Variants in DRAM1 observed in about 807,000 individuals in gnomAD.
DRAM1 encodes DNA damage regulated autophagy modulator 1.
Under a neutral mutation model 28.5 loss-of-function variants are expected in DRAM1, and 25 were observed. That is an observed-to-expected ratio of 0.88 (90% confidence interval 0.64 to 1.23). DRAM1 has a LOEUF of 1.23. Among genes scored for constraint, DRAM1 ranks in the 50% most tolerant of loss-of-function variants. DRAM1 has a pLI of 0.00. For missense variants in DRAM1, 249 were observed against 299.2 expected (o/e 0.83, Z 1.24); for synonymous variants, 113 against 114.2 (o/e 0.99, Z 0.07).
intron 2 of DRAM1, among the ~76,000 whole-genome samples, chr12:101,898,436 A>G (rs1234227125): frequency 6.6e-6 from 1 of 152,236 alleles, no homozygotes; most frequent in Non-Finnish European, 1.5e-5. Context: ...CTATACTTTA[A>G]TTAGTAATTT....
chr12:101,907,608 A>G (rs1480841385), intron 3 of DRAM1, among the ~76,000 whole-genome samples: 1 of 152,066 alleles, frequency 6.6e-6, no homozygotes, highest in African/African-American at 2.4e-5. Flanking sequence ...GCGTGGTGGC[A>G]CGTGCCTGTA....
chr12:101,916,438 T>G (rs1874247001), intron 5 of DRAM1, among the ~76,000 whole-genome samples: 1 of 152,210 alleles, frequency 6.6e-6, no homozygotes, highest in Non-Finnish European at 1.5e-5. Flanking sequence ...CCGGTGGGCC[T>G]AGACTTCTGG....
At chr12:101,910,513 T>C (rs1483720637) in intron 4 of DRAM1, among the ~76,000 whole-genome samples, 2 of 151,358 alleles carry the variant, frequency 1.3e-5, no homozygotes, top group Non-Finnish European at 1.5e-5. Context: ...AGTCTCACTC[T>C]GTCACCCAGG....
chr12:101,914,458 C>T (rs1874156925), intron 5 of DRAM1, among the ~76,000 whole-genome samples: 1 of 151,098 alleles, frequency 6.6e-6, no homozygotes, highest in African/African-American at 2.4e-5. Flanking sequence ...TTTTGAGTTC[C>T]TAATTTCTTT....
rs531390821 is a variant in DRAM1 at position 101,895,633 on chromosome 12, C to T, written c.132-2230C>T. On this transcript the variant is annotated intron_variant, in intron 1 of 6. Transcript: ENST00000258534. Reference sequence around the variant, plus strand: ...TCACCCAGACTGGAGTACAGTGGCACGATCTCGGCTCACTGCAACCTCCGC... The same window carrying T: ...TCACCCAGACTGGAGTACAGTGGCATGATCTCGGCTCACTGCAACCTCCGC... 4.6e-3 allele frequency among the ~76,000 whole-genome samples: 607 copies of T among 132,544 alleles called. 5 individuals are homozygous for T. Among genetic ancestry groups the T allele is most frequent in the Non-Finnish European group, 4.3e-3 (276 of 64,932 alleles). 87.0% of individuals were successfully genotyped at this position (132,544 alleles called of 152,430 possible).
intron 4 of DRAM1, 98 bp downstream of exon 4, chr12:101,908,461 G>C (rs1438083100): frequency 1.6e-6 from 2 of 1,250,282 alleles, no homozygotes; most frequent in South Asian, 2.9e-5. Context: ...CCGCTGCAAT[G>C]AGTTCTGACA....
At chr12:101,882,712 ACAGT>A (rs1258310916) in intron 1 of DRAM1, among the ~76,000 whole-genome samples, 1 of 151,198 alleles carries the variant, frequency 6.6e-6, no homozygotes, top group East Asian at 2.1e-4. Context: ...ATATGGGGAA[ACAGT>A]CTCTCTCATA....
chr12:101,907,232 G>C (rs1160575705), intron 3 of DRAM1, among the ~76,000 whole-genome samples: 1 of 147,620 alleles, frequency 6.8e-6, no homozygotes, highest in Admixed American at 6.7e-5. Context: ...GAAAAAAGAA[G>C]CTGCATTTGC....
intron 5 of DRAM1, among the ~76,000 whole-genome samples, chr12:101,914,485 CTTT>C (rs553791665): frequency 2.9e-5 from 4 of 137,438 alleles, no homozygotes; most frequent in Admixed American, 1.5e-4. Flanking sequence ...TCTTCTTCTT[CTTT>C]TTTTTTTTTT....
At chr12:101,889,518 A>G (rs12368928) in intron 1 of DRAM1, among the ~76,000 whole-genome samples, 83,404 of 137,600 alleles carry the variant, frequency 0.61, 25,859 homozygotes, top group East Asian at 0.9. Flanking sequence ...AAGGAAGGAA[A>G]GGAAGGAAGG....
Position 101,921,219 on chromosome 12 carries a change from G to A in DRAM1, c.676G>A (p.Val226Ile). 2 of 1,598,910 alleles carry A rather than the reference G, an allele frequency of 1.3e-6. No individual in the cohort carries two copies. The highest frequency in any genetic ancestry group is 1.7e-6 in the Non-Finnish European group (2 of 1,166,276). The change falls in exon 7 of 7, where the codon GTC (valine) becomes ATC (isoleucine). Residue 226 changes from valine (V) to isoleucine (I), a missense_variant. Val to Ile is a conservative substitution (Grantham distance 29, BLOSUM62 3). Coordinates refer to ENST00000258534, the MANE Select transcript of DRAM1 (RefSeq NM_018370.3). The stretch of plus-strand genomic sequence containing the variant: ...TCTCTTTCATTTTTAAAAATAGAGT[G>A]TCACCCTAAGGATATCCACAGAAAT... ...FLTFIQDFQSVTLRISTEING... is the reference protein window; with the variant it reads ...FLTFIQDFQSITLRISTEING...
intron 1 of DRAM1, among the ~76,000 whole-genome samples, chr12:101,878,145 A>C (rs1255137006): frequency 5.3e-5 from 8 of 152,190 alleles, no homozygotes; most frequent in African/African-American, 1.2e-4. Context: ...ACAGGGTGGC[A>C]GCAAGGAGAG....
chr12:101,878,613 C>G (rs1251602541), intron 1 of DRAM1, among the ~76,000 whole-genome samples: 2 of 152,220 alleles, frequency 1.3e-5, no homozygotes, highest in African/African-American at 4.8e-5. Context: ...TTTTCCTGTG[C>G]TTTGGCCTCT....
intron 5 of DRAM1, among the ~76,000 whole-genome samples, chr12:101,915,706 C>T (rs192233807): frequency 1.5e-4 from 23 of 152,104 alleles, no homozygotes; most frequent in African/African-American, 4.1e-4. Flanking sequence ...GGATTACAGG[C>T]GTGCACCACC....
intron 1 of DRAM1, among the ~76,000 whole-genome samples, chr12:101,891,741 T>C (rs566091433): frequency 5.3e-4 from 81 of 152,316 alleles, no homozygotes; most frequent in African/African-American, 1.8e-3. Context: ...TTCCAGAAAG[T>C]GCCTTATTAG....
intron 4 of DRAM1, among the ~76,000 whole-genome samples, chr12:101,909,224 G>A (rs1408720747): frequency 6.0e-5 from 9 of 150,138 alleles, no homozygotes; most frequent in Non-Finnish European, 1.0e-4. Flanking sequence ...TCACACCATT[G>A]CACTCCAGCC....
intron 2 of DRAM1, among the ~76,000 whole-genome samples, chr12:101,898,544 A>C (rs975150063): frequency 1.3e-5 from 2 of 152,244 alleles, no homozygotes; most frequent in Non-Finnish European, 2.9e-5. Context: ...TGGTCAAGAC[A>C]CTTATGTAAG....
chr12:101,902,915 C>CTTTT (rs113899412), intron 3 of DRAM1, among the ~76,000 whole-genome samples: 1 of 147,898 alleles, frequency 6.8e-6, no homozygotes. Flanking sequence ...GTGACTGCCT[C>CTTTT]TTTTTTTTTT....
intron 1 of DRAM1, among the ~76,000 whole-genome samples, chr12:101,883,208 G>A (rs1413907897): frequency 6.6e-6 from 1 of 151,062 alleles, no homozygotes; most frequent in African/African-American, 2.4e-5. Context: ...TGGTTTATCT[G>A]TGTGTGATGG....
Sources: gnomAD v4.1 joint callset for allele counts (sites outside exome capture counted in the v4.1 genomes callset) on GRCh38, gnomAD v4.1.1 for gene constraint, MANE v1.5 for transcripts, NCBI Gene and HGNC (gene_info 2026-07-23, HGNC 2026-07-21) for gene names.